Variants in AKAP9 observed in about 807,000 individuals in gnomAD.
AKAP9 encodes the protein A-kinase anchor protein 9.
Under a neutral mutation model 488.5 loss-of-function variants are expected in AKAP9, and 311 were observed. That is an observed-to-expected ratio of 0.64 (90% CI 0.58 to 0.70). AKAP9 has a LOEUF of 0.70. AKAP9 is among the 30% of genes least tolerant of loss of function. The pLI, the probability that AKAP9 is intolerant of heterozygous loss-of-function variation, is 0.00. For synonymous variants in AKAP9, 1,462 were observed against 1,483.5 expected (o/e 0.99, Z 0.33); for missense variants, 4,215 against 4,374.5 (o/e 0.96, Z 1.03).
chr7:91,941,312 C>G, intron 1 of AKAP9, 165 bp downstream of exon 1: 1 of 601,534 alleles, frequency 1.7e-6, no homozygotes, highest in Non-Finnish European at 2.9e-6. Context: ...CTCCTTTCCC[C>G]TTTTTCCAGT....
chr7:92,002,410 C>T lies in AKAP9; in HGVS notation c.2493C>T (p.Asp831=). 3 of 1,609,688 alleles carry T rather than the reference C, an allele frequency of 1.9e-6. No homozygotes were observed. The highest frequency in any genetic ancestry group is 2.5e-6 in the Non-Finnish European group (3 of 1,178,706). ...AAATACTTATAGAGGAAAATGAGGA[C>T]CTCAAACAACAATGTATTCAGCTAA... The part of the protein sequence containing the change: ...EIEILIEENE[D]LKQQCIQLNE... The change falls in exon 8 of 50, where the codon GAC becomes GAT. Residue 831 remains aspartate (D), a synonymous_variant. Transcript: ENST00000356239.
chr7:92,091,431 C>A (rs1446416921), intron 38 of AKAP9, among the ~76,000 whole-genome samples: 3 of 151,770 alleles, frequency 2.0e-5, no homozygotes, highest in Non-Finnish European at 4.4e-5. Flanking sequence ...ACTAAAAATA[C>A]AAAAATTAGC....
chr7:92,036,031 A>G (rs1005996488), intron 16 of AKAP9, among the ~76,000 whole-genome samples: 3 of 146,110 alleles, frequency 2.1e-5, no homozygotes, highest in African/African-American at 7.6e-5. Context: ...TTTTTAACTG[A>G]TTATCTATTG....
rs372844164 is a variant in AKAP9, at chr7:92,002,471, T to C, written c.2554T>C (p.Phe852Leu). 8.7e-6 allele frequency: 14 copies of C among 1,610,526 alleles called. No homozygotes were observed. The highest frequency in any genetic ancestry group is 1.2e-5 in the Non-Finnish European group (14 of 1,179,068). ...TGAAAAGCAAAGGAACACTTTTTCA[T>C]TTGCTGAAAAAAACTTTGAAGTTAA... ...EIEKQRNTFSFAEKNFEVNYQ... is the reference protein window; with the variant it reads ...EIEKQRNTFSLAEKNFEVNYQ... The change falls in exon 8 of 50, where the codon TTT (phenylalanine) becomes CTT (leucine). Residue 852 changes from phenylalanine to leucine, a missense_variant. Phe to Leu is a conservative substitution (Grantham distance 22, BLOSUM62 0). This residue lies in a region of AKAP9 where 2,361 missense variants were observed against 2,430.0 expected (regional missense o/e 0.97). Transcript: ENST00000356239.
chr7:92,097,120 C>G lies in AKAP9; in HGVS notation c.10161C>G (p.His3387Gln), dbSNP rs1442172517. ...RQQMEKDRQV[H>Q]RKTLQTEQEA... ...AAATGGAAAAAGATAGGCAGGTTCA[C>G]AGGAAAACACTGCAGACAGAACAGG... is the stretch of plus-strand genomic sequence containing the variant. Residue 3387 changes from histidine to glutamine, a missense_variant, in exon 41 of 50, where the codon CAC becomes CAG. Transcript: ENST00000356239. 3 of 1,614,190 alleles carry G rather than the reference C, an allele frequency of 1.9e-6. No individual in the cohort carries two copies. Among genetic ancestry groups the G allele is most frequent in the South Asian group, 2.2e-5 (2 of 91,086 alleles).
At chr7:92,081,101 T>C (rs1231742877) in intron 31 of AKAP9, among the ~76,000 whole-genome samples, 1 of 152,146 alleles carries the variant, frequency 6.6e-6, no homozygotes, top group Non-Finnish European at 1.5e-5. Flanking sequence ...CTAAGAAACA[T>C]TAATTTTAGC....
chr7:92,001,081 A>C lies in AKAP9; in HGVS notation c.1164A>C (p.Arg388Ser), dbSNP rs757474754. ...TGACTAATTCTAAGCAAAAAGAAAG[A>C]CAGTCTTCTGAAGAAATAAAACAGT... ...LELTNSKQKE[R>S]QSSEEIKQLM... The change falls in exon 8 of 50, where the codon AGA (arginine) becomes AGC (serine). Residue 388 changes from arginine to serine, a missense_variant. Arg to Ser is a moderately radical substitution (Grantham distance 110). This residue lies in a region of AKAP9 where 2,361 missense variants were observed against 2,430.0 expected (regional missense o/e 0.97). Coordinates refer to ENST00000356239, the MANE Select transcript of AKAP9 (RefSeq NM_005751.5). 3 of 1,613,522 alleles carry C rather than the reference A, an allele frequency of 1.9e-6. No homozygotes were observed. Among genetic ancestry groups the C allele is most frequent in the African/African-American group, 1.3e-5 (1 of 74,926 alleles).
At chr7:91,942,315 T>C (rs1266665165) in intron 1 of AKAP9, among the ~76,000 whole-genome samples, 2 of 152,230 alleles carry the variant, frequency 1.3e-5, no homozygotes, top group East Asian at 3.8e-4. Context: ...TGAATATATA[T>C]ATAAAAACTA....
chr7:92,047,997 T>C (rs1033054120), intron 21 of AKAP9, among the ~76,000 whole-genome samples: 3 of 152,184 alleles, frequency 2.0e-5, no homozygotes, highest in Non-Finnish European at 2.9e-5. Flanking sequence ...TTTAAGGATA[T>C]ATTGAGTTAA....
chr7:92,090,621 CAAAAAAAAA>C (rs71107852), intron 38 of AKAP9: 59,336 of 111,664 alleles, frequency 0.53, 12,089 homozygotes, highest in African/African-American at 0.56. Flanking sequence ...GACTCCATCT[CAAAAAAAAA>C]AAAAAAAAAA....
At chr7:91,979,928 C>T (rs1458603868) in intron 2 of AKAP9, among the ~76,000 whole-genome samples, 2 of 152,086 alleles carry the variant, frequency 1.3e-5, no homozygotes, top group Admixed American at 1.3e-4. Flanking sequence ...CCATGGGTAA[C>T]TGAAATTATA....
At chr7:92,062,188 GTATACC>G in intron 23 of AKAP9, 80 bp from the exon 24 acceptor site, 3 of 1,232,316 alleles carry the variant, frequency 2.4e-6, no homozygotes, top group Non-Finnish European at 3.5e-6. Flanking sequence ...TTTGCTAACA[GTATACC>G]TTTTGTTGTT....
At chr7:92,005,524 T>C (rs1799713905) in intron 8 of AKAP9, among the ~76,000 whole-genome samples, 1 of 152,176 alleles carries the variant, frequency 6.6e-6, no homozygotes, top group Admixed American at 6.5e-5. Context: ...AGTTTTCTCT[T>C]TTTATTCCTA....
Position 92,096,876 on chromosome 7 carries a change from A to G in AKAP9, c.9917A>G (p.Lys3306Arg), listed in dbSNP as rs142466020. 1.2e-6 allele frequency: 2 copies of G among 1,614,032 alleles called. No individual in the cohort carries two copies. Among genetic ancestry groups the G allele is most frequent in the African/African-American group, 2.7e-5 (2 of 74,932 alleles). Residue 3306 changes from lysine to arginine, a missense_variant, in exon 41 of 50, where the codon AAA becomes AGA. Around this residue, in one of 5 missense-constraint regions of AKAP9, gnomAD observed 1,476 missense variants for 1,477.4 expected, o/e 1.00. Coordinates refer to ENST00000356239, the MANE Select transcript of AKAP9 (RefSeq NM_005751.5). ...LELQVLLESE[K>R]VRIREMSSTL... ...CTTCAGGTACTTCTTGAATCTGAGAAAGTTCGAATTCGGGAAATGAGTAGT... is the reference window on the plus strand; with the variant it reads ...CTTCAGGTACTTCTTGAATCTGAGAGAGTTCGAATTCGGGAAATGAGTAGT...
intron 22 of AKAP9, among the ~76,000 whole-genome samples, chr7:92,056,730 C>G (rs1808849209): frequency 6.6e-6 from 1 of 151,812 alleles, no homozygotes; most frequent in Non-Finnish European, 1.5e-5. Flanking sequence ...ATTAGTCTAC[C>G]TACTGTGAAA....
At chr7:91,990,267 T>G (rs1224226631) in intron 3 of AKAP9, among the ~76,000 whole-genome samples, 1 of 152,136 alleles carries the variant, frequency 6.6e-6, no homozygotes, top group Non-Finnish European at 1.5e-5. Context: ...GTTAGAAGAC[T>G]AATGTTAGAA....
In AKAP9 at chr7:91,940,871, T is replaced by C; in HGVS notation, c.-229T>C. 1.7e-6 allele frequency: 1 copy of C among 587,704 alleles called. No homozygotes were observed. The highest frequency in any genetic ancestry group is 3.1e-6 in the Non-Finnish European group (1 of 326,190). 36.4% of individuals were successfully genotyped at this position (587,704 alleles called of 1,614,324 possible). A position where few individuals can be genotyped will look rare whatever the true frequency, so the allele number is the denominator to read the frequency against. On this transcript the variant is annotated 5_prime_UTR_variant, in exon 1 of 50. Coordinates refer to ENST00000356239, the MANE Select transcript of AKAP9 (RefSeq NM_005751.5). ...CCTCCCGCCTCGCCGTGTGTTTACG[T>C]GGAGACGAAGATGGCGGCGGCGGCG...
rs11276778 is a variant in AKAP9, at chr7:92,102,448, T to TTACTAC, written c.11098-109_11098-104dup. ...GTGATAGGAACCTGCCGTTTTACTA[T>TTACTAC]TACTACTACTACTACTACTACTACT... On this transcript the variant is annotated intron_variant, in intron 45 of 49. Coordinates refer to ENST00000356239, the MANE Select transcript of AKAP9 (RefSeq NM_005751.5). 0.023 allele frequency: 13,842 copies of TTACTAC among 593,284 alleles called. 76 individuals are homozygous for TTACTAC. The highest frequency in any genetic ancestry group is 0.049 in the Admixed American group (1,693 of 34,428). 36.8% of individuals were successfully genotyped at this position (593,284 alleles called of 1,614,324 possible).
chr7:92,070,301 T>C (rs890492286), intron 27 of AKAP9, 95 bp downstream of exon 27: 25 of 1,304,778 alleles, frequency 1.9e-5, no homozygotes, highest in Non-Finnish European at 2.5e-5. Context: ...ATATTATGTT[T>C]ATATCTCTGT....
Sources: allele counts gnomAD v4.1 joint callset (sites outside exome capture counted in the v4.1 genomes callset), GRCh38; gene constraint gnomAD v4.1.1; regional missense constraint gnomAD v4.1.1; transcripts MANE v1.5; gene names NCBI Gene and HGNC (gene_info 2026-07-23, HGNC 2026-07-21).